Variants in NDUFA10 observed in about 807,000 individuals in gnomAD.
The protein encoded by NDUFA10 is NADH:ubiquinone oxidoreductase subunit A10, also known as NADH dehydrogenase [ubiquinone] 1 alpha subcomplex subunit 10, mitochondrial.
NDUFA10 carries 40 observed loss-of-function variants against 47.8 expected under a neutral mutation model. The observed-to-expected ratio is 0.84, with a 90% CI of 0.65 to 1.09. The LOEUF is 1.09. Among genes scored for constraint, NDUFA10 ranks in the 50% least tolerant of loss-of-function variants. The pLI is 0.00. For missense variants in NDUFA10, 413 were observed against 451.1 expected, an observed-to-expected ratio of 0.92 and a Z score of 0.76; for synonymous variants, 183 against 172.2, an observed-to-expected ratio of 1.06 and a Z score of -0.49.
rs571850043 is a variant in NDUFA10, at chr2:239,979,559, G to C, written c.999+10515C>G. ...AAGCAACTTGGCTGGGCAAGGAGGG[G>C]CAACAATGCCCCTGTTAAGTGGGGG... is the stretch of plus-strand genomic sequence containing the variant. On this transcript the variant is annotated intron_variant, in intron 9 of 9. Coordinates refer to ENST00000252711, the MANE Select transcript of NDUFA10 (RefSeq NM_004544.4). Among the ~76,000 whole-genome samples, 5 of 151,492 alleles carry C rather than the reference G, an allele frequency of 3.3e-5. No individual in the cohort carries two copies. The East Asian group carries it at 9.8e-4, about 30-fold the overall frequency.
intron 8 of NDUFA10, among the ~76,000 whole-genome samples, chr2:240,001,152 C>T (rs753759795): frequency 3.9e-5 from 6 of 152,170 alleles, no homozygotes; most frequent in Non-Finnish European, 8.8e-5. Flanking sequence ...ATCTTCAACA[C>T]GGTTGTCTTT....
intron 8 of NDUFA10, among the ~76,000 whole-genome samples, chr2:240,001,176 G>A (rs112595409): frequency 5.9e-5 from 9 of 152,108 alleles, no homozygotes; most frequent in African/African-American, 1.7e-4. Flanking sequence ...AGGTGGGTTC[G>A]TTCAACTTCA....
chr2:239,973,650 G>C, intron 9 of NDUFA10: 1 of 469,506 alleles, frequency 2.1e-6, no homozygotes, highest in South Asian at 1.6e-5. Flanking sequence ...TCCTTCCATT[G>C]AAGAGACTGA....
At chr2:239,971,350 T>C (rs1038749749) in intron 9 of NDUFA10, among the ~76,000 whole-genome samples, 1 of 152,222 alleles carries the variant, frequency 6.6e-6, no homozygotes, top group Non-Finnish European at 1.5e-5. Flanking sequence ...GCCAAGGCCA[T>C]GGCTTTTCTC....
At chr2:239,912,850 G>A (rs991864222) in intron 4 of NDUFA10, among the ~76,000 whole-genome samples, 10 of 152,150 alleles carry the variant, frequency 6.6e-5, no homozygotes, top group East Asian at 1.9e-4. Flanking sequence ...TCACTCCATC[G>A]GGTCCACGTG....
At position 239,942,329 on chromosome 2, in the gene NDUFA10, G is replaced by A. The variant is rs548121211; in HGVS notation, c.295-47015C>T. Reference sequence around the variant, plus strand: ...CAGGGCGCCTGAGCCAGCAGGCCTGGGTGCAGCCTAGACACCTGCATTTCC... The same window carrying A: ...CAGGGCGCCTGAGCCAGCAGGCCTGAGTGCAGCCTAGACACCTGCATTTCC... On this transcript the variant is annotated intron_variant, in intron 4 of 5. Coordinates refer to the NDUFA10 transcript ENST00000419408. Among the ~76,000 whole-genome samples the A allele has an allele frequency of 2.0e-5, 3 of 152,358 alleles. No individual in the cohort carries two copies. The South Asian group carries it at 6.2e-4, about 32-fold the overall frequency.
chr2:239,916,351 GACAC>G (rs1376296863), intron 4 of NDUFA10, among the ~76,000 whole-genome samples: 2 of 149,806 alleles, frequency 1.3e-5, no homozygotes, highest in South Asian at 2.1e-4. Context: ...AACACACACA[GACAC>G]ACATACACAG....
At chr2:239,949,930 G>A (rs1694523621) in intron 4 of NDUFA10, among the ~76,000 whole-genome samples, 1 of 152,068 alleles carries the variant, frequency 6.6e-6, no homozygotes, top group Non-Finnish European at 1.5e-5. Context: ...TCATCCTGTG[G>A]GTCCTGGTCT....
chr2:240,018,106 A>G (rs1354012517), intron 4 of NDUFA10, among the ~76,000 whole-genome samples: 1 of 152,230 alleles, frequency 6.6e-6, no homozygotes, highest in Non-Finnish European at 1.5e-5. Context: ...CTGTCCTGAA[A>G]AACGGCAGCG....
chr2:239,933,175 G>T (rs1694206959), intron 4 of NDUFA10, among the ~76,000 whole-genome samples: 1 of 152,174 alleles, frequency 6.6e-6, no homozygotes, highest in African/African-American at 2.4e-5. Context: ...AAGCAGTTTG[G>T]ATGCTGGGAG....
chr2:239,959,003 A>C lies in NDUFA10; in HGVS notation c.*2115T>G, dbSNP rs1694738305. 1.0e-6 allele frequency: 1 copy of C among 985,328 alleles called. No individual in the cohort carries two copies. The highest frequency in any genetic ancestry group is 1.2e-6 in the Non-Finnish European group (1 of 829,950). The allele number at this position is 985,328 out of a possible 1,614,324, so 61.0% of individuals were successfully genotyped here. ...ACGCATGTACTGCTCTGAAATAAGG[A>C]AATCGGGGCATCTCCTCACCTCTTC... On this transcript the variant is annotated 3_prime_UTR_variant, in exon 10 of 10. Coordinates refer to ENST00000252711, the MANE Select transcript of NDUFA10 (RefSeq NM_004544.4).
At chr2:239,951,001 G>C (rs1169024383) in intron 4 of NDUFA10, among the ~76,000 whole-genome samples, 8 of 152,198 alleles carry the variant, frequency 5.3e-5, no homozygotes, top group Non-Finnish European at 1.2e-4. Flanking sequence ...TCGTTCCTTT[G>C]TCAGGTAGTT....
In NDUFA10 at chr2:239,982,211, G is replaced by C. The variant is rs369652236; in HGVS notation, c.999+7863C>G. 5.0e-6 allele frequency: 8 copies of C among 1,612,720 alleles called. No homozygotes were observed. In the African/African-American group the frequency reaches 8.0e-5, roughly 16 times the overall value. ...TCTGCACAGCCCGCTGCGGGTAGGG[G>C]ATCCCCAGCTACAAGGTTAGACGAA... On this transcript the variant is annotated intron_variant, in intron 9 of 9. Coordinates refer to ENST00000252711, the MANE Select transcript of NDUFA10 (RefSeq NM_004544.4).
intron 4 of NDUFA10, among the ~76,000 whole-genome samples, chr2:239,932,683 C>G (rs1348462277): frequency 1.3e-5 from 2 of 152,046 alleles, no homozygotes; most frequent in Non-Finnish European, 2.9e-5. Flanking sequence ...GGGTTCACGC[C>G]ATTCTCCTGC....
intron 4 of NDUFA10, among the ~76,000 whole-genome samples, chr2:239,905,640 T>C (rs1279274291): frequency 6.6e-6 from 1 of 151,586 alleles, no homozygotes; most frequent in Non-Finnish European, 1.5e-5. Flanking sequence ...TCCCCTTGGT[T>C]CGCGTGGTCC....
Position 239,925,121 on chromosome 2 carries a change from A to T in NDUFA10, c.295-29807T>A, listed in dbSNP as rs530508537. ...GGAAAACTCAATTCTCCCTAAATTC[A>T]TCTATAGTCTTAGTGTAGTTCTTAT... On this transcript the variant is annotated intron_variant, in intron 4 of 5. Coordinates refer to the NDUFA10 transcript ENST00000419408. 2.6e-5 allele frequency among the ~76,000 whole-genome samples: 4 copies of T among 152,320 alleles called. No homozygotes were observed. The South Asian group carries it at 6.2e-4, about 24-fold the overall frequency.
In NDUFA10 at chr2:239,936,293, T is replaced by C. The variant is rs117538393; in HGVS notation, c.295-40979A>G. ...CTCAGGATGGCAGGGCAGCAGGACA[T>C]GGTAGAGGCGGCAGTGTCCCCAGGC... On this transcript the variant is annotated intron_variant, in intron 4 of 5. Transcript: ENST00000419408. 8.3e-4 allele frequency among the ~76,000 whole-genome samples: 127 copies of C among 152,270 alleles called. No individual in the cohort carries two copies. The East Asian group carries it at 0.017, about 20-fold the overall frequency.
intron 9 of NDUFA10, among the ~76,000 whole-genome samples, chr2:239,976,999 C>T (rs963920951): frequency 2.0e-5 from 3 of 152,062 alleles, no homozygotes; most frequent in African/African-American, 4.8e-5. Flanking sequence ...AGAAGAAAAA[C>T]GAGTTGGCTG....
chr2:239,900,165 G>A (rs7594238), intron 4 of NDUFA10, among the ~76,000 whole-genome samples: 43,151 of 151,620 alleles, frequency 0.28, 6,477 homozygotes, highest in Middle Eastern at 0.34. Flanking sequence ...AGGGGGTCTC[G>A]GGCCTTCAGC....
Sources: allele counts gnomAD v4.1 joint callset (sites outside exome capture counted in the v4.1 genomes callset), GRCh38; gene constraint gnomAD v4.1.1; transcripts MANE v1.5; gene names NCBI Gene and HGNC (gene_info 2026-07-23, HGNC 2026-07-21).